Variants in KIAA2012 observed in about 807,000 individuals in gnomAD.
KIAA2012 encodes uncharacterized protein KIAA2012.
KIAA2012 carries 125 observed loss-of-function variants against 150.6 expected under a neutral mutation model. The ratio of observed to expected loss-of-function variants is 0.83; its 90% CI spans 0.72 to 0.96. The LOEUF (loss-of-function observed/expected upper bound fraction) is 0.96. Ranked by LOEUF, KIAA2012 falls within the 40% of genes least tolerant of loss-of-function variation. The probability of loss-of-function intolerance (pLI) is 0.00; values close to 1 mark genes in which losing one functional copy is unlikely to be tolerated. For missense variants in KIAA2012, 1,219 were observed against 1,354.9 expected, an observed-to-expected ratio of 0.90 and a Z score of 1.57; for synonymous variants, 462 against 504.7, an observed-to-expected ratio of 0.92 and a Z score of 1.13.
At chr2:202,134,287 A>G (rs1691015920) in intron 12 of KIAA2012, among the ~76,000 whole-genome samples, 1 of 152,214 alleles carries the variant, frequency 6.6e-6, no homozygotes, top group South Asian at 2.1e-4. Context: ...AAGGCCCTGA[A>G]CGGATTTAAA....
At chr2:202,157,746 T>C (rs1691558435) in intron 14 of KIAA2012, among the ~76,000 whole-genome samples, 1 of 152,196 alleles carries the variant, frequency 6.6e-6, no homozygotes, top group Admixed American at 6.5e-5. Flanking sequence ...TTCCAGTGCC[T>C]ATGCTCAACC....
At chr2:202,184,655 G>C in intron 15 of KIAA2012, 98 bp from the exon 16 acceptor site, 1 of 732,254 alleles carries the variant, frequency 1.4e-6, no homozygotes, top group East Asian at 3.2e-5. Context: ...TAATTTGCAT[G>C]CCTTTGGCTA....
chr2:202,161,405 T>A (rs967706203), intron 14 of KIAA2012, among the ~76,000 whole-genome samples: 1 of 152,172 alleles, frequency 6.6e-6, no homozygotes, highest in Admixed American at 6.5e-5. Context: ...CTGGTTAAAT[T>A]CCAAGCATCA....
At chr2:202,148,212 G>A (rs1691341392) in intron 13 of KIAA2012, among the ~76,000 whole-genome samples, 1 of 152,170 alleles carries the variant, frequency 6.6e-6, no homozygotes, top group African/African-American at 2.4e-5. Context: ...TAGGGAAGCT[G>A]AGGCACAGAA....
chr2:202,105,916 TCCTC>T lies in KIAA2012; in HGVS notation c.1474+16_1474+19del, dbSNP rs933325673. ...GGACACACTCTCACCTCAAGGTAGC[TCCTC>T]CCTCCCTCCAGCATCCCTCGGGAAC... On this transcript the variant is annotated splice_region_variant and intron_variant, in intron 9 of 23. Coordinates refer to ENST00000498697, the MANE Select transcript of KIAA2012 (RefSeq NM_001277372.4). 1.3e-6 allele frequency: 2 copies of T among 1,550,558 alleles called. No individual in the cohort carries two copies. Among genetic ancestry groups the T allele is most frequent in the Non-Finnish European group, 1.7e-6 (2 of 1,147,040 alleles).
At chr2:202,203,519 T>G (rs1168613253) in intron 23 of KIAA2012, among the ~76,000 whole-genome samples, 1 of 152,212 alleles carries the variant, frequency 6.6e-6, no homozygotes, top group South Asian at 2.1e-4. Flanking sequence ...CATGTAGCTA[T>G]TTAAACTTGT....
intron 13 of KIAA2012, among the ~76,000 whole-genome samples, chr2:202,140,043 C>T (rs937877400): frequency 2.6e-5 from 4 of 152,152 alleles, no homozygotes; most frequent in African/African-American, 9.7e-5. Context: ...GCCTGGCCAA[C>T]ATGGTGAAAC....
At chr2:202,087,875 G>A (rs542238800) in intron 2 of KIAA2012, among the ~76,000 whole-genome samples, 17 of 152,080 alleles carry the variant, frequency 1.1e-4, no homozygotes, top group African/African-American at 3.9e-4. Context: ...ACCAGAGCTA[G>A]GTCCCTTGGC....
chr2:202,110,514 T>C (rs1250752058), intron 10 of KIAA2012, among the ~76,000 whole-genome samples: 1 of 152,200 alleles, frequency 6.6e-6, no homozygotes, highest in Non-Finnish European at 1.5e-5. Context: ...CAGGCAGCTG[T>C]TTCTGCTTCG....
chr2:202,125,935 C>CTTTTTTTTTT lies in KIAA2012; in HGVS notation c.1831+680_1831+689dup, dbSNP rs571686717. On this transcript the variant is annotated intron_variant, in intron 12 of 23. Transcript: ENST00000498697. ...GAAATGTGAGTGGTGTTCCTGGCTG[C>CTTTTTTTTTT]TTTTTTTTTTTTTTTTTTTTTTTTT... 2.9e-5 allele frequency: 4 copies of CTTTTTTTTTT among 137,798 alleles called. 1 individual carries two copies. Among genetic ancestry groups the CTTTTTTTTTT allele is most frequent in the African/African-American group, 7.1e-5 (1 of 13,988 alleles). 8.5% of individuals were successfully genotyped at this position (137,798 alleles called of 1,614,324 possible).
chr2:202,132,557 C>T (rs941001110), intron 12 of KIAA2012, among the ~76,000 whole-genome samples: 8 of 151,164 alleles, frequency 5.3e-5, no homozygotes, highest in East Asian at 2.0e-4. Context: ...ATCCCAGCTA[C>T]GCGGGAGGGG....
chr2:202,073,696 CT>C lies in KIAA2012; in HGVS notation c.70del (p.Tyr24ThrfsTer8). 6.4e-7 allele frequency: 1 copy of C among 1,550,412 alleles called. No homozygotes were observed. The highest frequency in any genetic ancestry group is 8.7e-7 in the Non-Finnish European group (1 of 1,146,920). ...GCCAGGACAAACAGAAGTTAGAAGT[CT>C]ACTTTGAACCAGAGGTGAGTCCCAC... ...LGQDKQKLEV[Y>X]FEPEDYLNWR... On this transcript the variant is annotated frameshift_variant, in exon 1 of 24. Coordinates refer to ENST00000498697, the MANE Select transcript of KIAA2012 (RefSeq NM_001277372.4). LOFTEE classifies it high-confidence loss of function.
At chr2:202,156,932 A>G (rs1338629867) in intron 14 of KIAA2012, among the ~76,000 whole-genome samples, 2 of 152,120 alleles carry the variant, frequency 1.3e-5, no homozygotes, top group Admixed American at 1.3e-4. Context: ...AAAGTGGGGA[A>G]TTTTACAATA....
intron 13 of KIAA2012, among the ~76,000 whole-genome samples, chr2:202,146,207 A>T (rs895974468): frequency 6.6e-6 from 1 of 152,136 alleles, no homozygotes; most frequent in Non-Finnish European, 1.5e-5. Flanking sequence ...GCTGCATTTA[A>T]ATCCCAACTT....
In KIAA2012 at chr2:202,093,195, G is replaced by T. The variant is rs1689776395; in HGVS notation, c.685+10G>T. The T allele has an allele frequency of 6.5e-7, 1 of 1,550,090 alleles. No individual in the cohort carries two copies. Among genetic ancestry groups the T allele is most frequent in the Admixed American group, 2.0e-5 (1 of 50,964 alleles). On this transcript the variant is annotated intron_variant, in intron 4 of 23. Transcript: ENST00000498697. The stretch of plus-strand genomic sequence containing the variant: ...AAATCTTTTGAACAACGTACGTGTT[G>T]ATTTACATGTTGATTTTATGACCAG...
chr2:202,157,224 A>G (rs1691547059), intron 14 of KIAA2012, among the ~76,000 whole-genome samples: 1 of 152,142 alleles, frequency 6.6e-6, no homozygotes, highest in Admixed American at 6.5e-5. Flanking sequence ...CCTTCTCCTT[A>G]TGGATGTGGT....
intron 9 of KIAA2012, among the ~76,000 whole-genome samples, chr2:202,108,698 A>T (rs1690265416): frequency 6.6e-6 from 1 of 152,204 alleles, no homozygotes; most frequent in Non-Finnish European, 1.5e-5. Context: ...ATATCAAGGG[A>T]TGAAAAATGT....
At chr2:202,136,007 A>ATTT (rs34854434) in intron 12 of KIAA2012, 163 of 308,796 alleles carry the variant, frequency 5.3e-4, no homozygotes, top group Middle Eastern at 1.2e-3. Context: ...AAAAAAAAAA[A>ATTT]TTTTTTTTGA....
At chr2:202,088,406 T>A (rs563779156) in intron 2 of KIAA2012, among the ~76,000 whole-genome samples, 1 of 152,344 alleles carries the variant, frequency 6.6e-6, no homozygotes, top group East Asian at 1.9e-4. Flanking sequence ...GCTCATATAA[T>A]CCTTAAACTG....
Sources: allele counts gnomAD v4.1 joint callset (sites outside exome capture counted in the v4.1 genomes callset), GRCh38; gene constraint gnomAD v4.1.1; transcripts MANE v1.5; gene names NCBI Gene and HGNC (gene_info 2026-07-23, HGNC 2026-07-21).